SPON1: variants seen among roughly 807,000 people sequenced by gnomAD.
The protein encoded by SPON1 is spondin 1.
Under a neutral mutation model 111.7 loss-of-function variants are expected in SPON1, and 52 were observed. The ratio of observed to expected loss-of-function variants is 0.47; its 90% CI spans 0.37 to 0.59. The LOEUF (loss-of-function observed/expected upper bound fraction) is 0.59, where lower values mean the gene tolerates loss of function less well. SPON1 is among the 20% of genes least tolerant of loss of function. SPON1 has a pLI of 0.00. For missense variants in SPON1, 957 were observed against 1,068.5 expected (o/e 0.90, Z 1.46); for synonymous variants, 410 against 395.8 (o/e 1.04, Z -0.43).
rs147585262 is a variant in SPON1, at chr11:14,118,820, A to G, written c.677-16600A>G. Among the ~76,000 whole-genome samples, 184 of 152,292 alleles carry G rather than the reference A, an allele frequency of 1.2e-3. 1 individual carries two copies. Among genetic ancestry groups the G allele is most frequent in the East Asian group, 7.9e-3 (41 of 5,176 alleles). On this transcript the variant is annotated intron_variant, in intron 5 of 15. Coordinates refer to ENST00000576479, the MANE Select transcript of SPON1 (RefSeq NM_006108.4). ...GCAAGGCCTTAAGGTTGGCAGATCA[A>G]TGGCAAATCTCAGCCCTGCCACCTA...
intron 5 of SPON1, among the ~76,000 whole-genome samples, chr11:14,111,026 G>C (rs1369863932): frequency 1.3e-5 from 2 of 152,196 alleles, no homozygotes; most frequent in Non-Finnish European, 2.9e-5. Flanking sequence ...ATGGATAGAT[G>C]AACTGGGATT....
chr11:14,196,625 A>G lies in SPON1; in HGVS notation c.826-46707A>G, dbSNP rs1358991426. On this transcript the variant is annotated intron_variant, in intron 6 of 15. Coordinates refer to ENST00000576479, the MANE Select transcript of SPON1 (RefSeq NM_006108.4). ...TCCACTTTCTCACTTTCACTGAAGT[A>G]GAACATGTCTAAAATTGTCCCCAGC... Among the ~76,000 whole-genome samples the G allele has an allele frequency of 5.3e-5, 8 of 152,250 alleles. 1 individual carries two copies. Among genetic ancestry groups the G allele is most frequent in the Admixed American group, 4.6e-4 (7 of 15,284 alleles).
chr11:14,087,459 G>C (rs1332225694), intron 5 of SPON1, among the ~76,000 whole-genome samples: 1 of 152,208 alleles, frequency 6.6e-6, no homozygotes, highest in Non-Finnish European at 1.5e-5. Context: ...GTGGTTTTGA[G>C]TGAGTTTCTT....
intron 2 of SPON1, among the ~76,000 whole-genome samples, chr11:14,035,614 CTTTTTTTTTT>C (rs57790720): frequency 4.1e-4 from 54 of 132,182 alleles, no homozygotes; most frequent in Admixed American, 4.6e-4. Flanking sequence ...ACACTTAGTT[CTTTTTTTTTT>C]TTTTTTTTTT....
At chr11:14,042,520 G>A (rs1312496839) in intron 3 of SPON1, among the ~76,000 whole-genome samples, 3 of 152,300 alleles carry the variant, frequency 2.0e-5, no homozygotes, top group Middle Eastern at 3.4e-3. Context: ...ATGGAATGAT[G>A]CTGAGAATGT....
intron 5 of SPON1, among the ~76,000 whole-genome samples, chr11:14,120,538 C>T (rs1849297342): frequency 6.6e-6 from 1 of 152,120 alleles, no homozygotes; most frequent in Non-Finnish European, 1.5e-5. Flanking sequence ...GTGCCTGACT[C>T]ATTCTGTCAC....
intron 6 of SPON1, among the ~76,000 whole-genome samples, chr11:14,174,778 C>A (rs959793086): frequency 6.6e-6 from 1 of 152,154 alleles, no homozygotes; most frequent in Admixed American, 6.5e-5. Context: ...TTAAATATAT[C>A]TGTAGCTTGT....
At chr11:14,058,349 G>A (rs1026147372) in intron 3 of SPON1, among the ~76,000 whole-genome samples, 3 of 152,096 alleles carry the variant, frequency 2.0e-5, no homozygotes, top group South Asian at 2.1e-4. Context: ...CCGGAGACTC[G>A]CAGAGTGGTG....
At chr11:14,140,911 T>C (rs1318842727) in intron 6 of SPON1, among the ~76,000 whole-genome samples, 1 of 152,126 alleles carries the variant, frequency 6.6e-6, no homozygotes, top group Admixed American at 6.5e-5. Flanking sequence ...GGAGGTGTCT[T>C]GGGCAGAAAC....
intron 6 of SPON1, among the ~76,000 whole-genome samples, chr11:14,157,535 G>C (rs556594874): frequency 1.3e-5 from 2 of 152,196 alleles, no homozygotes; most frequent in African/African-American, 4.8e-5. Flanking sequence ...TATTGTTTTT[G>C]AGATTTCTAG....
intron 6 of SPON1, among the ~76,000 whole-genome samples, chr11:14,142,831 G>A (rs1554928913): frequency 6.6e-6 from 1 of 152,194 alleles, no homozygotes; most frequent in East Asian, 1.9e-4. Context: ...TAGGACACAT[G>A]AGAACACAAG....
chr11:14,222,740 T>G (rs782818539), intron 6 of SPON1, among the ~76,000 whole-genome samples: 8 of 152,208 alleles, frequency 5.3e-5, no homozygotes, highest in Non-Finnish European at 7.3e-5. Context: ...AGTAAACATT[T>G]AACAATAGGC....
intron 2 of SPON1, among the ~76,000 whole-genome samples, chr11:14,020,230 A>G (rs1176096769): frequency 1.3e-5 from 2 of 152,200 alleles, no homozygotes; most frequent in African/African-American, 4.8e-5. Flanking sequence ...AACAGGGGCC[A>G]GGGAAGAGAT....
At chr11:14,226,764 T>G (rs1848744162) in intron 6 of SPON1, among the ~76,000 whole-genome samples, 1 of 152,154 alleles carries the variant, frequency 6.6e-6, no homozygotes, top group African/African-American at 2.4e-5. Context: ...TAACACAAAT[T>G]GGTTCTCTTA....
rs188983184 is a variant in SPON1 at position 14,211,993 on chromosome 11, G to A, written c.826-31339G>A. ...CATTATTGATTCATTATTTAAAATA[G>A]GTATCTTTATCAAGTTAAGGTAGTA... is the stretch of plus-strand genomic sequence containing the variant. On this transcript the variant is annotated intron_variant, in intron 6 of 15. Coordinates refer to ENST00000576479, the MANE Select transcript of SPON1 (RefSeq NM_006108.4). Among the ~76,000 whole-genome samples the A allele has an allele frequency of 5.1e-3, 774 of 152,048 alleles. 8 individuals carry two copies. The highest frequency in any genetic ancestry group is 0.018 in the African/African-American group (747 of 41,450).
chr11:14,016,475 C>T (rs1264088665), intron 2 of SPON1, among the ~76,000 whole-genome samples: 2 of 152,162 alleles, frequency 1.3e-5, no homozygotes, highest in African/African-American at 4.8e-5. Context: ...TTATTTGGAC[C>T]CATGTAACTA....
intron 2 of SPON1, among the ~76,000 whole-genome samples, chr11:14,013,747 C>T (rs1848423085): frequency 6.6e-6 from 1 of 152,102 alleles, no homozygotes; most frequent in Non-Finnish European, 1.5e-5. Flanking sequence ...GTATACCAGG[C>T]TCTAGACTGG....
At chr11:14,193,546 C>A (rs1260163297) in intron 6 of SPON1, among the ~76,000 whole-genome samples, 1 of 152,120 alleles carries the variant, frequency 6.6e-6, no homozygotes, top group Non-Finnish European at 1.5e-5. Context: ...CTTTATGTGA[C>A]CTTAAAGTGC....
intron 5 of SPON1, among the ~76,000 whole-genome samples, chr11:14,086,128 A>G (rs1849004342): frequency 6.6e-6 from 1 of 152,096 alleles, no homozygotes; most frequent in Non-Finnish European, 1.5e-5. Context: ...CTATTTGAGT[A>G]TGCTTTATTT....
Sources: gnomAD v4.1 joint callset for allele counts (sites outside exome capture counted in the v4.1 genomes callset) on GRCh38, gnomAD v4.1.1 for gene constraint, MANE v1.5 for transcripts, NCBI Gene and HGNC (gene_info 2026-07-23, HGNC 2026-07-21) for gene names.